The following SORCS2 variants were observed in gnomAD, a reference collection of about 807,000 sequenced individuals.
SORCS2 encodes the protein VPS10 domain-containing receptor SorCS2.
Under a neutral mutation model 141.6 loss-of-function variants are expected in SORCS2, and 100 were observed. The observed-to-expected ratio is 0.71, with a 90% confidence interval of 0.60 to 0.83. The LOEUF is 0.83. Ranked by LOEUF, SORCS2 falls within the 40% of genes least tolerant of loss-of-function variation. The probability of loss-of-function intolerance (pLI) is 0.00; values close to 1 mark genes in which losing one functional copy is unlikely to be tolerated. For synonymous variants in SORCS2, 789 were observed against 676.9 expected, an observed-to-expected ratio of 1.17 and a Z score of -2.57; for missense variants, 1,646 against 1,560.2, an observed-to-expected ratio of 1.05 and a Z score of -0.93.
chr4:7,254,182 C>T (rs146522567), intron 1 of SORCS2, among the ~76,000 whole-genome samples: 32 of 152,224 alleles, frequency 2.1e-4, no homozygotes, highest in African/African-American at 6.3e-4. Context: ...AGCATCTACC[C>T]GAAGGAAAGG....
intron 2 of SORCS2, among the ~76,000 whole-genome samples, chr4:7,463,046 A>T (rs1729408581): frequency 6.6e-6 from 1 of 151,844 alleles, no homozygotes; most frequent in Non-Finnish European, 1.5e-5. Flanking sequence ...CAACAGCCCC[A>T]CAAAGGCCCC....
At chr4:7,376,337 G>T (rs1171860072) in intron 1 of SORCS2, among the ~76,000 whole-genome samples, 3 of 152,114 alleles carry the variant, frequency 2.0e-5, no homozygotes. Flanking sequence ...AGCACTTTGG[G>T]AAGCCAAGGC....
intron 3 of SORCS2, among the ~76,000 whole-genome samples, chr4:7,623,312 C>T (rs1719323659): frequency 6.6e-6 from 1 of 152,046 alleles, no homozygotes; most frequent in Non-Finnish European, 1.5e-5. Context: ...CATCAGTAAT[C>T]AGTCACACTC....
At chr4:7,687,384 G>A (rs2108979120) in intron 10 of SORCS2, among the ~76,000 whole-genome samples, 1 of 152,312 alleles carries the variant, frequency 6.6e-6, no homozygotes, top group South Asian at 2.1e-4. Context: ...AAAGGTGCCA[G>A]CAAGTCTATT....
At chr4:7,320,249 G>C (rs1202462075) in intron 1 of SORCS2, among the ~76,000 whole-genome samples, 2 of 152,156 alleles carry the variant, frequency 1.3e-5, no homozygotes, top group African/African-American at 4.8e-5. Context: ...AAAATCAAAC[G>C]CTGGGGAACA....
chr4:7,541,278 T>C (rs1456602888), intron 3 of SORCS2, among the ~76,000 whole-genome samples: 1 of 152,184 alleles, frequency 6.6e-6, no homozygotes, highest in Non-Finnish European at 1.5e-5. Flanking sequence ...GTCTCATCCA[T>C]GGTGCTCAAG....
chr4:7,455,058 G>GCT (rs1728794368), intron 2 of SORCS2, among the ~76,000 whole-genome samples: 2 of 90,002 alleles, frequency 2.2e-5, no homozygotes, highest in African/African-American at 4.2e-5. Flanking sequence ...GGGGTCAGAT[G>GCT]CTGTGTTGGG....
intron 25 of SORCS2, among the ~76,000 whole-genome samples, chr4:7,734,987 A>C (rs1359571889): frequency 2.0e-5 from 3 of 152,142 alleles, no homozygotes; most frequent in African/African-American, 7.2e-5. Context: ...TTTCCTTCTG[A>C]GCCTGTTCCC....
At chr4:7,526,585 T>TG (rs943040443) in intron 2 of SORCS2, among the ~76,000 whole-genome samples, 6 of 152,034 alleles carry the variant, frequency 3.9e-5, no homozygotes, top group Admixed American at 2.0e-4. Context: ...ATACCACAGT[T>TG]GGGGGGGCCC....
intron 2 of SORCS2, among the ~76,000 whole-genome samples, chr4:7,470,135 TCAAA>T (rs1283352168): frequency 6.6e-6 from 1 of 152,018 alleles, no homozygotes; most frequent in Admixed American, 6.6e-5. Context: ...CTGTCCAGGG[TCAAA>T]CAGTGAGTTA....
chr4:7,737,150 G>T lies in SORCS2; in HGVS notation c.3393G>T (p.Glu1131Asp). The T allele has an allele frequency of 3.9e-6, 6 of 1,551,408 alleles. No individual in the cohort carries two copies. Among genetic ancestry groups the T allele is most frequent in the Non-Finnish European group, 5.2e-6 (6 of 1,146,928 alleles). ...QEMTSPVSHS[E>D]DVQGAVQGNH... is the part of the protein sequence containing the mutation. ...TGACCAGCCCTGTGAGTCACAGTGA[G>T]GACGTCCAGGGCGCTGTCCAGGGTG... Residue 1131 changes from glutamate to aspartate, a missense_variant, in exon 26 of 27, where the codon GAG (glutamate) becomes GAT (aspartate). By Grantham distance (45) the Glu-to-Asp change is conservative. Transcript: ENST00000507866.
intron 3 of SORCS2, among the ~76,000 whole-genome samples, chr4:7,628,099 T>G (rs978659382): frequency 6.6e-6 from 1 of 152,196 alleles, no homozygotes; most frequent in Non-Finnish European, 1.5e-5. Context: ...GGGTAGAGTC[T>G]AAGGGAGGCG....
intron 4 of SORCS2, among the ~76,000 whole-genome samples, chr4:7,640,613 G>A (rs1444689483): frequency 1.3e-5 from 2 of 151,760 alleles, no homozygotes; most frequent in Admixed American, 6.6e-5. Flanking sequence ...GATAGCCTGG[G>A]GTGATCTTCA....
intron 2 of SORCS2, among the ~76,000 whole-genome samples, chr4:7,439,110 T>G (rs549646058): frequency 1.3e-5 from 2 of 152,126 alleles, no homozygotes; most frequent in Non-Finnish European, 2.9e-5. Flanking sequence ...TGTCGTGCCT[T>G]TTAGGCCCTC....
chr4:7,326,563 G>A (rs929336151), intron 1 of SORCS2, among the ~76,000 whole-genome samples: 11 of 152,134 alleles, frequency 7.2e-5, no homozygotes, highest in Non-Finnish European at 1.6e-4. Flanking sequence ...ACTGAACATT[G>A]GGGAATCTCT....
intron 3 of SORCS2, among the ~76,000 whole-genome samples, chr4:7,536,630 AAC>A (rs1317326416): frequency 5.1e-4 from 77 of 152,146 alleles, no homozygotes; most frequent in Non-Finnish European, 1.0e-3. Flanking sequence ...ACTCAAACAG[AAC>A]TCACGAGAGA....
intron 1 of SORCS2, among the ~76,000 whole-genome samples, chr4:7,246,552 C>G (rs2108799126): frequency 6.6e-6 from 1 of 152,322 alleles, no homozygotes; most frequent in Non-Finnish European, 1.5e-5. Context: ...TCACTCAGGG[C>G]TTAAATGAAC....
intron 1 of SORCS2, among the ~76,000 whole-genome samples, chr4:7,209,478 C>T (rs1280364019): frequency 6.6e-6 from 1 of 152,160 alleles, no homozygotes; most frequent in African/African-American, 2.4e-5. Flanking sequence ...CCAGCATCCC[C>T]TTCCGGAAAC....
At chr4:7,209,597 C>T (rs1248270638) in intron 1 of SORCS2, among the ~76,000 whole-genome samples, 2 of 152,066 alleles carry the variant, frequency 1.3e-5, no homozygotes, top group African/African-American at 2.4e-5. Flanking sequence ...GTCCCCTTCT[C>T]GACTGCATGT....
Sources: gnomAD v4.1 joint callset for allele counts (sites outside exome capture counted in the v4.1 genomes callset) on GRCh38, gnomAD v4.1.1 for gene constraint, MANE v1.5 for transcripts, NCBI Gene and HGNC (gene_info 2026-07-23, HGNC 2026-07-21) for gene names.